Variants in ZNF175 observed in about 807,000 individuals in gnomAD.
ZNF175 encodes zinc finger protein OTK18.
ZNF175 carries 8 observed loss-of-function variants against 14.0 expected under a neutral mutation model. The observed-to-expected ratio is 0.57, with a 90% CI of 0.34 to 1.03. The LOEUF (loss-of-function observed/expected upper bound fraction) is 1.03, where lower values mean the gene tolerates loss of function less well. Among genes scored for constraint, ZNF175 ranks in the 50% least tolerant of loss-of-function variants. ZNF175 has a pLI of 0.03. For missense variants in ZNF175, 764 were observed against 849.5 expected (o/e 0.90, Z 1.25); for synonymous variants, 255 against 296.8 (o/e 0.86, Z 1.45).
At chr19:51,582,381 T>A (rs1317736850) in intron 4 of ZNF175, among the ~76,000 whole-genome samples, 1 of 152,198 alleles carries the variant, frequency 6.6e-6, no homozygotes, top group Admixed American at 6.5e-5. Flanking sequence ...TACTGCAACC[T>A]CTGCCTCCTG....
Position 51,588,376 on chromosome 19 carries a change from A to G in ZNF175, c.2045A>G (p.Asn682Ser), listed in dbSNP as rs985273948. Residue 682 changes from asparagine (N) to serine (S), a missense_variant, in exon 5 of 5, where the codon AAC becomes AGC. Transcript: ENST00000262259. ...TCTGAATGTGGAAAGGCCTTCAACA[A>G]CAGGTCAAACTTCAATAAACACCAA... ...VCSECGKAFNNRSNFNKHQTT... is the reference protein window; with the variant it reads ...VCSECGKAFNSRSNFNKHQTT... 6.2e-7 allele frequency: 1 copy of G among 1,613,068 alleles called. No individual in the cohort carries two copies. The highest frequency in any genetic ancestry group is 1.3e-5 in the African/African-American group (1 of 75,000).
intron 4 of ZNF175, among the ~76,000 whole-genome samples, chr19:51,584,396 T>G (rs1982103928): frequency 6.6e-6 from 1 of 152,198 alleles, no homozygotes; most frequent in African/African-American, 2.4e-5. Context: ...ACTTCTTTTT[T>G]GCAATCGACA....
Position 51,591,782 on chromosome 19 carries a change from T to G in ZNF175, c.*3315T>G, listed in dbSNP as rs75829019. The G allele has an allele frequency of 6.6e-5, 10 of 151,360 alleles. No homozygotes were observed. Among genetic ancestry groups the G allele is most frequent in the Admixed American group, 2.6e-4 (4 of 15,204 alleles). 9.4% of individuals were successfully genotyped at this position (151,360 alleles called of 1,614,324 possible). On this transcript the variant is annotated 3_prime_UTR_variant, in exon 5 of 5. Coordinates refer to ENST00000262259, the MANE Select transcript of ZNF175 (RefSeq NM_007147.4). The stretch of plus-strand genomic sequence containing the variant: ...CTCATGACCTTTTTTTTTTTTTTCT[T>G]GTGAGATGGAGTCTCGCTCTGTCGC...
chr19:51,572,054 G>A (rs1423125510), intron 1 of ZNF175, among the ~76,000 whole-genome samples: 1 of 152,176 alleles, frequency 6.6e-6, no homozygotes, highest in Admixed American at 6.5e-5. Context: ...TGGGTCCCTT[G>A]GACATGGTAA....
Position 51,587,007 on chromosome 19 carries a change from G to C in ZNF175, c.676G>C (p.Val226Leu). The change falls in exon 5 of 5, where the codon GTT (valine) becomes CTT (leucine). Residue 226 changes from valine to leucine, a missense_variant. Val to Leu is a conservative substitution (Grantham distance 32, BLOSUM62 1). Transcript: ENST00000262259. ...CAATGACACAGAACAGCTTGATGAC[G>C]TTGTTGGGTCTGGTCAGCTATTCAG... The part of the protein sequence containing the change: ...ESNDTEQLDD[V>L]VGSGQLFSHS... 1.2e-6 allele frequency: 2 copies of C among 1,614,174 alleles called. No individual in the cohort carries two copies. The highest frequency in any genetic ancestry group is 1.1e-5 in the South Asian group (1 of 91,090).
intron 1 of ZNF175, 99 bp from the exon 2 acceptor site, chr19:51,573,051 A>G: frequency 2.4e-6 from 1 of 415,462 alleles, no homozygotes. Context: ...AACTTTGTCT[A>G]CTCCAATGTC....
intron 2 of ZNF175, among the ~76,000 whole-genome samples, chr19:51,579,763 A>G (rs975940661): frequency 1.2e-4 from 19 of 152,180 alleles, no homozygotes; most frequent in African/African-American, 4.3e-4. Context: ...GTATATGCCC[A>G]ACATCTGTTC....
rs924393638 is a variant in ZNF175 at position 51,577,947 on chromosome 19, G to C, written c.73-3444G>C. Among the ~76,000 whole-genome samples the C allele has an allele frequency of 7.9e-5, 12 of 151,550 alleles. No homozygotes were observed. In the East Asian group the frequency reaches 9.8e-4, roughly 12 times the overall value. ...CAAAGTGCTGGGATTACAGGCGTGA[G>C]CCACCGCACCTGGCATACCCCTCTC... is the stretch of plus-strand genomic sequence containing the variant. On this transcript the variant is annotated intron_variant, in intron 2 of 4. Coordinates refer to ENST00000262259, the MANE Select transcript of ZNF175 (RefSeq NM_007147.4).
rs920301676 is a variant in ZNF175 at position 51,575,196 on chromosome 19, G to T, written c.72+1795G>T. On this transcript the variant is annotated intron_variant, in intron 2 of 4. Coordinates refer to ENST00000262259, the MANE Select transcript of ZNF175 (RefSeq NM_007147.4). ...ATATTTTGGTTTGGTTTAGCCTCCG[G>T]ATTTTTAGAGAGGTTTTTTTTTTTT... 9.8e-5 allele frequency among the ~76,000 whole-genome samples: 14 copies of T among 143,004 alleles called. 1 individual carries two copies. The highest frequency in any genetic ancestry group is 3.3e-4 in the African/African-American group (13 of 39,392). 93.8% of individuals were successfully genotyped at this position (143,004 alleles called of 152,430 possible). A position where few individuals can be genotyped will look rare whatever the true frequency, so the allele number is the denominator to read the frequency against.
At chr19:51,580,308 A>G (rs1356186066) in intron 2 of ZNF175, among the ~76,000 whole-genome samples, 1 of 152,094 alleles carries the variant, frequency 6.6e-6, no homozygotes, top group Non-Finnish European at 1.5e-5. Context: ...TATTAGGTGC[A>G]CTTTAATATC....
At chr19:51,584,734 T>C (rs1480269829) in intron 4 of ZNF175, among the ~76,000 whole-genome samples, 2 of 152,010 alleles carry the variant, frequency 1.3e-5, no homozygotes, top group African/African-American at 2.4e-5. Flanking sequence ...TAGGAAAAAA[T>C]GCTCAACTTC....
At position 51,574,512 on chromosome 19, in the gene ZNF175, A is replaced by C. The variant is rs192183719; in HGVS notation, c.72+1111A>C. ...CAACATGGCGAGACTCTACAAAAAT[A>C]CAAAAATTAGCCAGGTGTGGTGGCA... On this transcript the variant is annotated intron_variant, in intron 2 of 4. Coordinates refer to ENST00000262259, the MANE Select transcript of ZNF175 (RefSeq NM_007147.4). 3.5e-3 allele frequency among the ~76,000 whole-genome samples: 527 copies of C among 152,266 alleles called. 4 individuals are homozygous for C. Among genetic ancestry groups the C allele is most frequent in the African/African-American group, 0.012 (484 of 41,536 alleles).
In ZNF175 at chr19:51,587,629, C is replaced by T. The variant is rs566517864; in HGVS notation, c.1298C>T (p.Thr433Ile). ...GGGAAAGCCTTTACCCAGAAGTCAA[C>T]ACTCAGCTTGCACCAGAGAATCCAC... ...ECGKAFTQKS[T>I]LSLHQRIHSG... Residue 433 changes from threonine to isoleucine, a missense_variant, in exon 5 of 5, where the codon ACA (threonine) becomes ATA (isoleucine). Thr to Ile is a moderately conservative substitution (Grantham distance 89). Transcript: ENST00000262259. The T allele has an allele frequency of 6.2e-7, 1 of 1,612,480 alleles. No individual in the cohort carries two copies. The highest frequency in any genetic ancestry group is 1.1e-5 in the South Asian group (1 of 90,978).
At chr19:51,583,990 G>A (rs1012583471) in intron 4 of ZNF175, among the ~76,000 whole-genome samples, 1 of 152,162 alleles carries the variant, frequency 6.6e-6, no homozygotes, top group African/African-American at 2.4e-5. Context: ...CTGATTTTCT[G>A]AAAATGGGCA....
Position 51,587,120 on chromosome 19 carries a change from T to C in ZNF175, c.789T>C (p.His263=), listed in dbSNP as rs773782609. ...ACCAGTGTAGAAAAGTCTGTGGCCA[T>C]AAACAGTCACTCAAGCAACATCAAA... The part of the protein sequence containing the change: ...KGNQCRKVCG[H]KQSLKQHQIH... The change falls in exon 5 of 5, where the codon CAT becomes CAC. Residue 263 remains histidine (H), a synonymous_variant. Transcript: ENST00000262259. 3.3e-5 allele frequency: 54 copies of C among 1,614,142 alleles called. 1 individual carries two copies. In the South Asian group the frequency reaches 5.7e-4, roughly 17 times the overall value.
At chr19:51,579,136 C>T (rs1258636418) in intron 2 of ZNF175, among the ~76,000 whole-genome samples, 3 of 151,930 alleles carry the variant, frequency 2.0e-5, no homozygotes, top group African/African-American at 7.3e-5. Context: ...ACCTGTAATC[C>T]CAGCTACTTG....
rs1424815511 is a variant in ZNF175, at chr19:51,588,750, A to C, written c.*283A>C. On this transcript the variant is annotated 3_prime_UTR_variant, in exon 5 of 5. Transcript: ENST00000262259. Reference sequence around the variant, plus strand: ...AAGAAACCCTGACTAACGCATTGAGAAAAGCCTTTCTGTAAAGAATGGTAC... The same window carrying C: ...AAGAAACCCTGACTAACGCATTGAGCAAAGCCTTTCTGTAAAGAATGGTAC... 9.4e-6 allele frequency: 4 copies of C among 426,830 alleles called. No homozygotes were observed. Among genetic ancestry groups the C allele is most frequent in the Non-Finnish European group, 1.6e-5 (4 of 243,096 alleles). The allele number at this position is 426,830 out of a possible 1,614,324, so 26.4% of individuals were successfully genotyped here.
chr19:51,588,421 A>C lies in ZNF175; in HGVS notation c.2090A>C (p.Lys697Thr). 6.3e-7 allele frequency: 1 copy of C among 1,592,688 alleles called. No homozygotes were observed. The highest frequency in any genetic ancestry group is 8.5e-7 in the Non-Finnish European group (1 of 1,172,012). ...CACCAAACAACTCATACCAGAGACA[A>C]ATCTTACAAATGCAGTTATTCTGTG... The part of the protein sequence containing the change: ...NKHQTTHTRD[K>T]SYKCSYSVKG... The change falls in exon 5 of 5, where the codon AAA becomes ACA. Residue 697 changes from lysine to threonine, a missense_variant. Coordinates refer to ENST00000262259, the MANE Select transcript of ZNF175 (RefSeq NM_007147.4).
rs374786544 is a variant in ZNF175 at position 51,587,666 on chromosome 19, G to C, written c.1335G>C (p.Lys445Asn). 1.8e-5 allele frequency: 29 copies of C among 1,614,018 alleles called. No individual in the cohort carries two copies. Among genetic ancestry groups the C allele is most frequent in the Non-Finnish European group, 2.5e-5 (29 of 1,180,002 alleles). ...SLHQRIHSGQ[K>N]SYVCIECGQA... ...ACCAGAGAATCCACTCAGGGCAGAA[G>C]TCCTATGTGTGTATCGAATGCGGGC... The change falls in exon 5 of 5, where the codon AAG (lysine) becomes AAC (asparagine). Residue 445 changes from lysine (K) to asparagine (N), a missense_variant. Physicochemically the swap from Lys to Asn is moderately conservative, Grantham distance 94. Coordinates refer to ENST00000262259, the MANE Select transcript of ZNF175 (RefSeq NM_007147.4).
Sources: allele counts gnomAD v4.1 joint callset (sites outside exome capture counted in the v4.1 genomes callset), GRCh38; gene constraint gnomAD v4.1.1; transcripts MANE v1.5; gene names NCBI Gene and HGNC (gene_info 2026-07-23, HGNC 2026-07-21).